MIGA1: variants seen among roughly 807,000 people sequenced by gnomAD.
MIGA1 encodes the protein family with sequence similarity 73, member A.
Under a neutral mutation model 82.0 loss-of-function variants are expected in MIGA1, and 58 were observed. The ratio of observed to expected loss-of-function variants is 0.71; its 90% CI spans 0.57 to 0.88. MIGA1 has a LOEUF of 0.88. Among genes scored for constraint, MIGA1 ranks in the 40% least tolerant of loss-of-function variants. The pLI is 0.00. For synonymous variants in MIGA1, 249 were observed against 253.6 expected, an observed-to-expected ratio of 0.98 and a Z score of 0.17; for missense variants, 751 against 749.1, an observed-to-expected ratio of 1.00 and a Z score of -0.03.
chr1:77,871,955 G>A (rs904563862), intron 14 of MIGA1, among the ~76,000 whole-genome samples: 1 of 151,732 alleles, frequency 6.6e-6, no homozygotes, highest in Non-Finnish European at 1.5e-5. Flanking sequence ...TTGCTTCGTT[G>A]CAAAGCTAAT....
intron 7 of MIGA1, among the ~76,000 whole-genome samples, chr1:77,839,263 G>T (rs1223400319): frequency 1.3e-5 from 2 of 150,714 alleles, no homozygotes; most frequent in Non-Finnish European, 2.9e-5. Flanking sequence ...CAATTTTAGT[G>T]ATTCTGGTAG....
chr1:77,787,549 T>C lies in MIGA1; in HGVS notation c.195+4198T>C, dbSNP rs541352167. Among the ~76,000 whole-genome samples the C allele has an allele frequency of 2.0e-5, 3 of 151,826 alleles. No individual in the cohort carries two copies. The East Asian group carries it at 5.9e-4, about 30-fold the overall frequency. On this transcript the variant is annotated intron_variant, in intron 2 of 15. Transcript: ENST00000370791. ...GATTACAGGCGCCTGCCACCATACC[T>C]GGCTAATTTTTGTATTTTTAATAGA... is the stretch of plus-strand genomic sequence containing the variant.
intron 8 of MIGA1, among the ~76,000 whole-genome samples, chr1:77,850,201 G>T (rs1027497286): frequency 6.6e-6 from 1 of 152,136 alleles, no homozygotes; most frequent in Non-Finnish European, 1.5e-5. Flanking sequence ...TTACAGCATG[G>T]CACCTGGCTT....
intron 5 of MIGA1, chr1:77,811,099 T>C (rs1479183183): frequency 6.2e-7 from 1 of 1,603,692 alleles, no homozygotes; most frequent in Admixed American, 1.7e-5. Flanking sequence ...TTCAACATGC[T>C]TCTGGAGCTC....
rs1056256553 is a variant in MIGA1 at position 77,813,762 on chromosome 1, T to C, written c.666T>C (p.Arg222=). The C allele has an allele frequency of 6.2e-7, 1 of 1,614,186 alleles. No individual in the cohort carries two copies. The change falls in exon 6 of 16, where the codon CGT becomes CGC. Residue 222 remains arginine (R), a synonymous_variant. Transcript: ENST00000370791. ...TGGAATTGTTTGAAGAGGCATTGCG[T>C]CGATGGGAACAAGCTCTGACCTTTC...
intron 5 of MIGA1, among the ~76,000 whole-genome samples, chr1:77,809,857 G>A (rs974314239): frequency 5.5e-5 from 8 of 145,878 alleles, no homozygotes; most frequent in Admixed American, 4.2e-4. Flanking sequence ...ATGGATGAAT[G>A]TCAGTATATC....
At chr1:77,867,020 G>A (rs766357836) in intron 14 of MIGA1, among the ~76,000 whole-genome samples, 10 of 152,092 alleles carry the variant, frequency 6.6e-5, no homozygotes, top group South Asian at 2.1e-4. Flanking sequence ...GATTCCCTTC[G>A]TTTAATCCAA....
Position 77,779,722 on chromosome 1 carries a change from G to A in MIGA1, c.67G>A (p.Gly23Ser), listed in dbSNP as rs1190795642. 1.3e-6 allele frequency: 2 copies of A among 1,578,094 alleles called. No homozygotes were observed. The highest frequency in any genetic ancestry group is 8.6e-7 in the Non-Finnish European group (1 of 1,162,060). Residue 23 changes from glycine (G) to serine (S), a missense_variant, in exon 1 of 16, where the codon GGC becomes AGC. Gly to Ser is a moderately conservative substitution (Grantham distance 56). Around this residue, in one of 3 missense-constraint regions of MIGA1, gnomAD observed 482 missense variants for 439.4 expected, o/e 1.10. Coordinates refer to ENST00000370791, the MANE Select transcript of MIGA1 (RefSeq NM_198549.4). ...TGGCGTGGGCAGGCCAGCTGTACCT[G>A]GCCTGGAGCTCCAGGTACAGGGCCA...
intron 14 of MIGA1, among the ~76,000 whole-genome samples, chr1:77,866,635 A>C (rs1322418112): frequency 1.3e-5 from 2 of 151,728 alleles, no homozygotes; most frequent in Admixed American, 1.3e-4. Flanking sequence ...TTCGAGTTGG[A>C]AACAGCTCTG....
At chr1:77,817,697 T>C (rs1313025696) in intron 7 of MIGA1, among the ~76,000 whole-genome samples, 3 of 152,208 alleles carry the variant, frequency 2.0e-5, no homozygotes, top group Admixed American at 1.3e-4. Flanking sequence ...TTGATCAAAA[T>C]TGCCTAGAAG....
intron 7 of MIGA1, among the ~76,000 whole-genome samples, chr1:77,834,408 T>C (rs1351023570): frequency 2.0e-5 from 3 of 152,128 alleles, no homozygotes; most frequent in African/African-American, 7.2e-5. Context: ...ACTCTTGGGG[T>C]CAAGTGGTCC....
chr1:77,840,155 A>G (rs1684576895), intron 7 of MIGA1, among the ~76,000 whole-genome samples: 1 of 152,236 alleles, frequency 6.6e-6, no homozygotes, highest in Non-Finnish European at 1.5e-5. Flanking sequence ...TCTAAGAAAC[A>G]GAAGTATTAT....
At position 77,826,950 on chromosome 1, in the gene MIGA1, G is replaced by A. The variant is rs554663944; in HGVS notation, c.895+11719G>A. ...CTCCCGAGTAACTGGGATTAAAAGC[G>A]CCCGCCAGCACGCCCAGCTAATTTT... On this transcript the variant is annotated intron_variant, in intron 7 of 15. Coordinates refer to ENST00000370791, the MANE Select transcript of MIGA1 (RefSeq NM_198549.4). 2.6e-3 allele frequency among the ~76,000 whole-genome samples: 387 copies of A among 150,740 alleles called. 2 individuals are homozygous for A. Among genetic ancestry groups the A allele is most frequent in the South Asian group, 0.015 (73 of 4,756 alleles).
At chr1:77,833,279 G>T (rs1376023627) in intron 7 of MIGA1, among the ~76,000 whole-genome samples, 1 of 152,148 alleles carries the variant, frequency 6.6e-6, no homozygotes, top group Non-Finnish European at 1.5e-5. Context: ...AATATACAGA[G>T]TACACATTGT....
Position 77,801,371 on chromosome 1 carries a change from C to A in MIGA1, c.236C>A (p.Thr79Asn). 1 of 1,583,076 alleles carries A rather than the reference C, an allele frequency of 6.3e-7. No individual in the cohort carries two copies. Among genetic ancestry groups the A allele is most frequent in the Non-Finnish European group, 8.5e-7 (1 of 1,172,050 alleles). ...GTGGCTAAAAAGTTGTTTGTGGTAA[C>A]TGCAGTGAGTGCTATATCTGTAATT... The change falls in exon 3 of 16, where the codon ACT becomes AAT. Residue 79 changes from threonine to asparagine, a missense_variant. Around this residue, in one of 3 missense-constraint regions of MIGA1, gnomAD observed 482 missense variants for 439.4 expected, o/e 1.10. Coordinates refer to ENST00000370791, the MANE Select transcript of MIGA1 (RefSeq NM_198549.4).
At chr1:77,861,382 G>A (rs748416684) in intron 12 of MIGA1, 60 bp downstream of exon 12, 48 of 1,052,772 alleles carry the variant, frequency 4.6e-5, no homozygotes, top group Non-Finnish European at 6.8e-5. Flanking sequence ...AATTTTATAT[G>A]AGTTGAGACT....
intron 5 of MIGA1, chr1:77,811,041 C>G (rs1433895029): frequency 1.2e-6 from 2 of 1,613,244 alleles, no homozygotes; most frequent in Admixed American, 3.3e-5. Context: ...TTTTTTTAGG[C>G]TTGTAGGGTT....
chr1:77,802,071 T>C (rs1682906690), intron 3 of MIGA1, among the ~76,000 whole-genome samples: 1 of 152,190 alleles, frequency 6.6e-6, no homozygotes, highest in Non-Finnish European at 1.5e-5. Context: ...AGTTGCTGTC[T>C]TTTAAAGGAT....
intron 8 of MIGA1, among the ~76,000 whole-genome samples, chr1:77,844,055 C>T (rs894560118): frequency 8.2e-4 from 118 of 144,314 alleles, no homozygotes; most frequent in African/African-American, 2.7e-3. Context: ...GGGCCATGAT[C>T]GTGGCACTGC....
Sources: allele counts gnomAD v4.1 joint callset (sites outside exome capture counted in the v4.1 genomes callset), GRCh38; gene constraint gnomAD v4.1.1; regional missense constraint gnomAD v4.1.1; transcripts MANE v1.5; gene names NCBI Gene and HGNC (gene_info 2026-07-23, HGNC 2026-07-21).